Variants in EDIL3 observed in about 807,000 individuals in gnomAD.
The protein encoded by EDIL3 is EGF like and discoidin domains 3, also known as EGF-like repeat and discoidin I-like domain-containing protein 3.
Under a neutral mutation model 67.4 loss-of-function variants are expected in EDIL3, and 37 were observed. The ratio of observed to expected loss-of-function variants is 0.55; its 90% CI spans 0.42 to 0.72. The LOEUF (loss-of-function observed/expected upper bound fraction) is 0.72. Ranked by LOEUF, EDIL3 falls within the 30% of genes least tolerant of loss-of-function variation. EDIL3 has a pLI of 0.00. For missense variants in EDIL3, 527 were observed against 586.3 expected (o/e 0.90, Z 1.04); for synonymous variants, 195 against 196.3 (o/e 0.99, Z 0.05).
intron 6 of EDIL3, among the ~76,000 whole-genome samples, chr5:84,093,832 G>C (rs2112270609): frequency 6.6e-6 from 1 of 151,960 alleles, no homozygotes; most frequent in Non-Finnish European, 1.5e-5. Context: ...GCTAATTTCT[G>C]TATTTTTAGT....
At chr5:84,263,527 G>A (rs925812899) in intron 1 of EDIL3, among the ~76,000 whole-genome samples, 2 of 152,062 alleles carry the variant, frequency 1.3e-5, no homozygotes, top group East Asian at 1.9e-4. Flanking sequence ...TAAGAAAATC[G>A]CACGGGGCAG....
chr5:84,199,355 C>A (rs1440656761), intron 3 of EDIL3, among the ~76,000 whole-genome samples: 1 of 151,972 alleles, frequency 6.6e-6, no homozygotes, highest in African/African-American at 2.4e-5. Context: ...AAAGTGAAAA[C>A]AACTGACCTC....
At chr5:84,335,835 A>G (rs908026728) in intron 1 of EDIL3, among the ~76,000 whole-genome samples, 4 of 152,102 alleles carry the variant, frequency 2.6e-5, no homozygotes, top group Admixed American at 2.6e-4. Context: ...TTTTTGTCAC[A>G]GTTCTGGGGG....
At chr5:84,328,947 T>A (rs1746819190) in intron 1 of EDIL3, among the ~76,000 whole-genome samples, 1 of 152,036 alleles carries the variant, frequency 6.6e-6, no homozygotes, top group Non-Finnish European at 1.5e-5. Flanking sequence ...GAACCACAGT[T>A]TTTTGCCACA....
At chr5:84,221,165 C>CA (rs1744333634) in intron 3 of EDIL3, among the ~76,000 whole-genome samples, 1 of 152,016 alleles carries the variant, frequency 6.6e-6, no homozygotes, top group African/African-American at 2.4e-5. Context: ...TTAACACATG[C>CA]AACTGAAAAC....
At chr5:84,234,702 T>C (rs1744646486) in intron 2 of EDIL3, among the ~76,000 whole-genome samples, 1 of 152,158 alleles carries the variant, frequency 6.6e-6, no homozygotes, top group Non-Finnish European at 1.5e-5. Context: ...TCTTAGTATA[T>C]TATAACATAT....
intron 2 of EDIL3, among the ~76,000 whole-genome samples, chr5:84,249,473 G>A (rs938749792): frequency 3.4e-5 from 5 of 149,132 alleles, no homozygotes; most frequent in Non-Finnish European, 7.5e-5. Flanking sequence ...CTTTCTGTCT[G>A]TATGTATGTC....
intron 9 of EDIL3, among the ~76,000 whole-genome samples, chr5:84,058,907 T>A (rs778423019): frequency 6.6e-6 from 1 of 152,110 alleles, no homozygotes; most frequent in Admixed American, 6.6e-5. Flanking sequence ...GGATGATATA[T>A]TAGAAAACAT....
At position 84,101,756 on chromosome 5, in the gene EDIL3, T is replaced by C. The variant is rs955117124; in HGVS notation, c.651+4893A>G. On this transcript the variant is annotated intron_variant, in intron 6 of 10. Transcript: ENST00000296591. ...TACCAGATATACAAAGAAGAGCTGG[T>C]AGCATTTCTACTAACACTACTCCAA... 3.3e-5 allele frequency among the ~76,000 whole-genome samples: 5 copies of C among 151,784 alleles called. No homozygotes were observed. The East Asian group carries it at 7.7e-4, about 24-fold the overall frequency.
chr5:83,994,135 C>A (rs547938745), intron 9 of EDIL3, among the ~76,000 whole-genome samples: 2 of 152,124 alleles, frequency 1.3e-5, no homozygotes, highest in Non-Finnish European at 2.9e-5. Flanking sequence ...TGTACATAGG[C>A]ATTTTACGCT....
chr5:84,072,732 T>C (rs1365576621), intron 6 of EDIL3, among the ~76,000 whole-genome samples: 1 of 152,132 alleles, frequency 6.6e-6, no homozygotes, highest in African/African-American at 2.4e-5. Flanking sequence ...AATAGGCATC[T>C]AAGTAATTTT....
chr5:83,977,252 TAGA>T, intron 9 of EDIL3, among the ~76,000 whole-genome samples: 1 of 152,022 alleles, frequency 6.6e-6, no homozygotes, highest in Admixed American at 6.6e-5. Context: ...TGATTACCAT[TAGA>T]AGATTTTTTT....
chr5:84,200,995 T>C (rs1313938354), intron 3 of EDIL3, among the ~76,000 whole-genome samples: 1 of 152,120 alleles, frequency 6.6e-6, no homozygotes, highest in African/African-American at 2.4e-5. Context: ...CACTCAGGCA[T>C]AGAGCAGGGT....
chr5:84,186,685 A>G (rs181363229), intron 3 of EDIL3, among the ~76,000 whole-genome samples: 2 of 152,218 alleles, frequency 1.3e-5, no homozygotes, highest in Admixed American at 6.6e-5. Context: ...ACTATAGTAC[A>G]TTTGAGGCAT....
chr5:84,292,572 T>C (rs1310154374), intron 1 of EDIL3, among the ~76,000 whole-genome samples: 1 of 152,204 alleles, frequency 6.6e-6, no homozygotes, highest in African/African-American at 2.4e-5. Flanking sequence ...TGAGTGTTTA[T>C]TGTTAATGTT....
At chr5:84,095,946 G>A (rs976618083) in intron 6 of EDIL3, among the ~76,000 whole-genome samples, 2 of 152,172 alleles carry the variant, frequency 1.3e-5, no homozygotes, top group Non-Finnish European at 2.9e-5. Context: ...GTGCAGCCTA[G>A]GGACTTGGTA....
chr5:84,270,049 A>G (rs571107545), intron 1 of EDIL3, among the ~76,000 whole-genome samples: 68 of 152,316 alleles, frequency 4.5e-4, no homozygotes, highest in African/African-American at 1.5e-3. Context: ...GATATGTGCA[A>G]AAATATCAAC....
At chr5:84,114,275 G>A (rs145834412) in intron 5 of EDIL3, among the ~76,000 whole-genome samples, 1 of 151,850 alleles carries the variant, frequency 6.6e-6, no homozygotes, top group African/African-American at 2.4e-5. Context: ...GAGGTCAGGG[G>A]ATGGAGTGAA....
intron 1 of EDIL3, among the ~76,000 whole-genome samples, chr5:84,281,198 T>C (rs1745693025): frequency 6.6e-6 from 1 of 152,202 alleles, no homozygotes; most frequent in East Asian, 1.9e-4. Context: ...CAATTCTATT[T>C]CTTACCTTTA....
Sources: allele counts gnomAD v4.1 joint callset (sites outside exome capture counted in the v4.1 genomes callset), GRCh38; gene constraint gnomAD v4.1.1; transcripts MANE v1.5; gene names NCBI Gene and HGNC (gene_info 2026-07-23, HGNC 2026-07-21).